Variants in SLC24A3 observed in about 807,000 individuals in gnomAD.
SLC24A3 encodes the protein solute carrier family 24 member 3.
A neutral mutation model predicts 75.8 loss-of-function variants in SLC24A3; 28 were observed. The observed-to-expected ratio is 0.37, with a 90% CI of 0.27 to 0.51. The LOEUF (loss-of-function observed/expected upper bound fraction) is 0.51. SLC24A3 is among the 20% of genes least tolerant of loss of function. The probability of loss-of-function intolerance (pLI) is 0.94; values close to 1 mark genes in which losing one functional copy is unlikely to be tolerated. For synonymous variants in SLC24A3, 372 were observed against 334.1 expected (o/e 1.11, Z -1.24); for missense variants, 663 against 847.8 (o/e 0.78, Z 2.71).
chr20:19,442,060 T>A (rs1248802399), intron 2 of SLC24A3, among the ~76,000 whole-genome samples: 1 of 152,250 alleles, frequency 6.6e-6, no homozygotes, highest in Non-Finnish European at 1.5e-5. Context: ...TGCTGAATAA[T>A]ATTCCATTGT....
chr20:19,430,451 G>A (rs1287683852), intron 2 of SLC24A3, among the ~76,000 whole-genome samples: 1 of 152,120 alleles, frequency 6.6e-6, no homozygotes, highest in Non-Finnish European at 1.5e-5. Flanking sequence ...GGAGGAAAAG[G>A]AGGGAAAGGA....
chr20:19,500,538 G>A (rs566746251), intron 2 of SLC24A3, among the ~76,000 whole-genome samples: 63 of 152,202 alleles, frequency 4.1e-4, no homozygotes, highest in African/African-American at 1.5e-3. Context: ...ATAAAAAATT[G>A]TCTCAAACAT....
At chr20:19,409,269 C>G (rs1318972850) in intron 2 of SLC24A3, among the ~76,000 whole-genome samples, 1 of 152,104 alleles carries the variant, frequency 6.6e-6, no homozygotes, top group Non-Finnish European at 1.5e-5. Context: ...AGAGGCCCTG[C>G]AGGGGACCTC....
At chr20:19,597,041 C>T (rs1362525614) in intron 6 of SLC24A3, among the ~76,000 whole-genome samples, 1 of 152,148 alleles carries the variant, frequency 6.6e-6, no homozygotes, top group Non-Finnish European at 1.5e-5. Context: ...CTTGTTAATC[C>T]ATCAGACAAG....
chr20:19,719,013 AAC>A (rs898471204), intron 16 of SLC24A3, among the ~76,000 whole-genome samples: 1 of 151,658 alleles, frequency 6.6e-6, no homozygotes, highest in Non-Finnish European at 1.5e-5. Flanking sequence ...ACAGAGAAGG[AAC>A]AGTTTGGAGA....
intron 2 of SLC24A3, among the ~76,000 whole-genome samples, chr20:19,283,862 G>C (rs1983732222): frequency 6.6e-6 from 1 of 152,136 alleles, no homozygotes; most frequent in South Asian, 2.1e-4. Context: ...CTGTCCTGGG[G>C]CATCATTACG....
chr20:19,413,066 T>C (rs999722480), intron 2 of SLC24A3, among the ~76,000 whole-genome samples: 2 of 152,234 alleles, frequency 1.3e-5, no homozygotes, highest in African/African-American at 2.4e-5. Flanking sequence ...GGGACACTTC[T>C]AGGATCTGTT....
chr20:19,610,443 G>A lies in SLC24A3; in HGVS notation c.612+24899G>A, dbSNP rs193301030. On this transcript the variant is annotated intron_variant, in intron 6 of 16. Coordinates refer to ENST00000328041, the MANE Select transcript of SLC24A3 (RefSeq NM_020689.4). ...CCCCAAGCCACATCCTTAGGCAGCTGCCTGCCATGCCTCTTGAGGGATAGC... is the reference window on the plus strand; with the variant it reads ...CCCCAAGCCACATCCTTAGGCAGCTACCTGCCATGCCTCTTGAGGGATAGC... Among the ~76,000 whole-genome samples the A allele has an allele frequency of 9.0e-3, 1,372 of 152,328 alleles. 28 individuals are homozygous for A. Among genetic ancestry groups the A allele is most frequent in the African/African-American group, 0.031 (1,297 of 41,552 alleles).
intron 1 of SLC24A3, among the ~76,000 whole-genome samples, chr20:19,225,313 T>G (rs1243423970): frequency 1.3e-5 from 2 of 152,198 alleles, no homozygotes; most frequent in Non-Finnish European, 1.5e-5. Context: ...AAGGACCTCT[T>G]GAATGGCATT....
chr20:19,716,156 C>A (rs548184964), intron 15 of SLC24A3, among the ~76,000 whole-genome samples: 33 of 152,160 alleles, frequency 2.2e-4, no homozygotes, highest in African/African-American at 8.0e-4. Flanking sequence ...AACAAGTTCC[C>A]GAGAGCTGCT....
At chr20:19,266,602 G>A (rs550583465) in intron 1 of SLC24A3, among the ~76,000 whole-genome samples, 1 of 152,310 alleles carries the variant, frequency 6.6e-6, no homozygotes, top group Non-Finnish European at 1.5e-5. Context: ...GATGGAAGTG[G>A]CAGTGATTTT....
intron 2 of SLC24A3, among the ~76,000 whole-genome samples, chr20:19,442,029 T>C (rs1384341546): frequency 2.0e-5 from 3 of 152,240 alleles, no homozygotes; most frequent in Admixed American, 6.5e-5. Context: ...TTTTGAGGCT[T>C]GATAGCGCAT....
intron 6 of SLC24A3, among the ~76,000 whole-genome samples, chr20:19,613,118 C>T (rs887737447): frequency 6.6e-6 from 1 of 152,130 alleles, no homozygotes; most frequent in African/African-American, 2.4e-5. Flanking sequence ...TGTTCACACA[C>T]GTCCCCACCC....
intron 3 of SLC24A3, among the ~76,000 whole-genome samples, chr20:19,523,787 T>C (rs2030146431): frequency 6.6e-6 from 1 of 152,184 alleles, no homozygotes; most frequent in African/African-American, 2.4e-5. Flanking sequence ...TGAAAGCAGG[T>C]GGATGAAGCT....
At chr20:19,561,021 T>A (rs563130797) in intron 3 of SLC24A3, among the ~76,000 whole-genome samples, 1 of 152,336 alleles carries the variant, frequency 6.6e-6, no homozygotes, top group African/African-American at 2.4e-5. Flanking sequence ...CTCCAGACTA[T>A]CTCACTGTGG....
intron 2 of SLC24A3, among the ~76,000 whole-genome samples, chr20:19,315,780 G>T (rs772327750): frequency 2.1e-4 from 32 of 152,066 alleles, no homozygotes; most frequent in Admixed American, 2.1e-3. Flanking sequence ...TTGTTCACTC[G>T]TGTACATAAA....
intron 3 of SLC24A3, among the ~76,000 whole-genome samples, chr20:19,571,641 A>G (rs2031054279): frequency 6.6e-6 from 1 of 152,188 alleles, no homozygotes; most frequent in Non-Finnish European, 1.5e-5. Context: ...ACTCCTTTAA[A>G]GTAAAATCAT....
At chr20:19,258,028 C>T (rs1982867630) in intron 1 of SLC24A3, among the ~76,000 whole-genome samples, 1 of 152,206 alleles carries the variant, frequency 6.6e-6, no homozygotes, top group Non-Finnish European at 1.5e-5. Flanking sequence ...AGTCTGAGCC[C>T]TGGGGCTGTG....
intron 12 of SLC24A3, among the ~76,000 whole-genome samples, chr20:19,688,593 G>C (rs1403807997): frequency 1.3e-5 from 2 of 152,210 alleles, no homozygotes; most frequent in African/African-American, 2.4e-5. Context: ...CCCCAGATGG[G>C]TTCCTATCAA....
Sources: allele counts gnomAD v4.1 joint callset (sites outside exome capture counted in the v4.1 genomes callset), GRCh38; gene constraint gnomAD v4.1.1; transcripts MANE v1.5; gene names NCBI Gene and HGNC (gene_info 2026-07-23, HGNC 2026-07-21).